Variants in EIF2S1 observed in about 807,000 individuals in gnomAD.
EIF2S1 encodes the protein eukaryotic translation initiation factor 2 subunit 1.
EIF2S1 carries 5 observed loss-of-function variants against 33.5 expected under a neutral mutation model. The ratio of observed to expected loss-of-function variants is 0.15; its 90% CI spans 0.08 to 0.31. EIF2S1 has a LOEUF of 0.31. Among genes scored for constraint, EIF2S1 ranks in the 10% least tolerant of loss-of-function variants. The probability of loss-of-function intolerance (pLI) is 1.00; values close to 1 mark genes in which losing one functional copy is unlikely to be tolerated. For synonymous variants in EIF2S1, 99 were observed against 127.5 expected (o/e 0.78, Z 1.51); for missense variants, 191 against 384.6 (o/e 0.50, Z 4.21).
chr14:67,377,488 T>C (rs1294308334), intron 4 of EIF2S1, among the ~76,000 whole-genome samples: 3 of 152,226 alleles, frequency 2.0e-5, no homozygotes, highest in Admixed American at 6.5e-5. Context: ...TTTTATTTTA[T>C]AAAGAAAATA....
At chr14:67,375,443 C>T (rs1432789059) in intron 3 of EIF2S1, among the ~76,000 whole-genome samples, 5 of 151,568 alleles carry the variant, frequency 3.3e-5, no homozygotes, top group African/African-American at 1.2e-4. Flanking sequence ...CTTAGTGGTA[C>T]TGTTTGTATT....
chr14:67,373,626 G>C (rs2085838961), intron 2 of EIF2S1, among the ~76,000 whole-genome samples: 1 of 152,164 alleles, frequency 6.6e-6, no homozygotes. Context: ...AGGTTTGTAG[G>C]TTTCAGCCAT....
intron 6 of EIF2S1, among the ~76,000 whole-genome samples, chr14:67,382,103 C>G (rs1189288814): frequency 6.6e-6 from 1 of 151,988 alleles, no homozygotes; most frequent in Non-Finnish European, 1.5e-5. Context: ...AGGATTCTTC[C>G]ATCAGTTTAG....
At chr14:67,377,850 G>A (rs1181775514) in intron 4 of EIF2S1, among the ~76,000 whole-genome samples, 1 of 152,006 alleles carries the variant, frequency 6.6e-6, no homozygotes, top group Admixed American at 6.6e-5. Context: ...GCTCATGCCT[G>A]TAATCCCAGC....
At chr14:67,364,579 T>C in intron 1 of EIF2S1, 188 bp from the exon 2 acceptor site, 1 of 545,454 alleles carries the variant, frequency 1.8e-6, no homozygotes, top group South Asian at 2.7e-5. Context: ...AAAATAAAAA[T>C]TAAAGCTTGG....
rs1161809610 is a variant in EIF2S1, at chr14:67,384,364, G to GT, written c.*926dup. ...ACAGGGATCTGTTTGAACACTTACTGTTGTTTTTTTTTTTTTACATGTTTC... is the reference window on the plus strand; with the variant it reads ...ACAGGGATCTGTTTGAACACTTACTGTTTGTTTTTTTTTTTTTACATGTTTC... On this transcript the variant is annotated 3_prime_UTR_variant, in exon 8 of 8. Coordinates refer to ENST00000256383, the MANE Select transcript of EIF2S1 (RefSeq NM_004094.5). The GT allele has an allele frequency of 7.2e-6, 1 of 138,978 alleles. No homozygotes were observed. The highest frequency in any genetic ancestry group is 1.5e-5 in the Non-Finnish European group (1 of 66,660). The allele number at this position is 138,978 out of a possible 1,614,324, so 8.6% of individuals were successfully genotyped here.
At chr14:67,375,253 TG>T (rs1412018343) in intron 3 of EIF2S1, among the ~76,000 whole-genome samples, 1 of 145,466 alleles carries the variant, frequency 6.9e-6, no homozygotes, top group East Asian at 2.2e-4. Flanking sequence ...TGTGTGTGTG[TG>T]TGTGTGTGTG....
At chr14:67,375,051 T>C (rs190633019) in intron 3 of EIF2S1, among the ~76,000 whole-genome samples, 1 of 152,230 alleles carries the variant, frequency 6.6e-6, no homozygotes, top group East Asian at 1.9e-4. Context: ...TTTGGTTTTT[T>C]TCCCCCTCCA....
intron 2 of EIF2S1, among the ~76,000 whole-genome samples, chr14:67,370,905 G>A (rs2085816356): frequency 6.6e-6 from 1 of 151,942 alleles, no homozygotes; most frequent in African/African-American, 2.4e-5. Context: ...TGCACCTCTA[G>A]TCAGTTCCAG....
chr14:67,363,432 C>T (rs1321007643), intron 1 of EIF2S1, among the ~76,000 whole-genome samples: 3 of 152,058 alleles, frequency 2.0e-5, no homozygotes, highest in Non-Finnish European at 2.9e-5. Flanking sequence ...GTTATGTACT[C>T]TGGCACTGAA....
intron 4 of EIF2S1, among the ~76,000 whole-genome samples, chr14:67,378,362 G>C (rs1218681409): frequency 6.7e-6 from 1 of 148,512 alleles, no homozygotes; most frequent in African/African-American, 2.5e-5. Context: ...TAGAAAAGGT[G>C]GGAATAGTAA....
intron 4 of EIF2S1, among the ~76,000 whole-genome samples, chr14:67,377,970 A>G (rs2085866149): frequency 6.6e-6 from 1 of 151,740 alleles, no homozygotes; most frequent in African/African-American, 2.4e-5. Context: ...AAAAGTAGCC[A>G]GGTGTGGTAG....
chr14:67,368,154 A>G (rs1011936957), intron 2 of EIF2S1, among the ~76,000 whole-genome samples: 3 of 152,178 alleles, frequency 2.0e-5, no homozygotes, highest in Admixed American at 2.0e-4. Flanking sequence ...TAGGGGAAAA[A>G]GTAGGTCAGA....
Position 67,383,469 on chromosome 14 carries a change from G to T in EIF2S1, c.*29G>T. On this transcript the variant is annotated 3_prime_UTR_variant, in exon 8 of 8. Transcript: ENST00000256383. ...TGTGGGAAACAGAGTCCAATTTAAG[G>T]AACACAGAGCAGCGCTTCCTGGCTG... The T allele has an allele frequency of 6.2e-7, 1 of 1,610,372 alleles. No homozygotes were observed. The highest frequency in any genetic ancestry group is 1.1e-5 in the South Asian group (1 of 90,828).
chr14:67,363,593 T>C (rs2085756156), intron 1 of EIF2S1, among the ~76,000 whole-genome samples: 1 of 152,182 alleles, frequency 6.6e-6, no homozygotes, highest in African/African-American at 2.4e-5. Context: ...GTTAGCAGTA[T>C]GTGAAAGAAC....
In EIF2S1 at chr14:67,383,412, A is replaced by G; in HGVS notation, c.920A>G (p.Glu307Gly). The G allele has an allele frequency of 6.2e-7, 1 of 1,613,706 alleles. No homozygotes were observed. The highest frequency in any genetic ancestry group is 8.5e-7 in the Non-Finnish European group (1 of 1,179,672). ...NAEVDGDDDA[E>G]EMEAKAED ...GAAGTGGATGGAGATGATGATGCAG[A>G]AGAAATGGAAGCCAAAGCTGAAGAT... is the stretch of plus-strand genomic sequence containing the variant. The change falls in exon 8 of 8, where the codon GAA becomes GGA. Residue 307 changes from glutamate to glycine, a missense_variant. Transcript: ENST00000256383.
intron 2 of EIF2S1, among the ~76,000 whole-genome samples, chr14:67,369,670 G>A (rs1378160164): frequency 6.6e-6 from 1 of 152,116 alleles, no homozygotes. Context: ...TCATATCTTG[G>A]GAGGGAAGAG....
chr14:67,379,905 C>T (rs1189615131), intron 4 of EIF2S1, among the ~76,000 whole-genome samples: 1 of 151,920 alleles, frequency 6.6e-6, no homozygotes, highest in Admixed American at 6.6e-5. Context: ...CCGCCCGCCT[C>T]GGCCTCCCAA....
chr14:67,375,284 C>G (rs867556937), intron 3 of EIF2S1, among the ~76,000 whole-genome samples: 4 of 138,364 alleles, frequency 2.9e-5, no homozygotes, highest in South Asian at 2.3e-4. Context: ...GTGTGTGTGT[C>G]ACAAAGTCTT....
Sources: gnomAD v4.1 joint callset for allele counts (sites outside exome capture counted in the v4.1 genomes callset) on GRCh38, gnomAD v4.1.1 for gene constraint, MANE v1.5 for transcripts, NCBI Gene and HGNC (gene_info 2026-07-23, HGNC 2026-07-21) for gene names.